Variants in SCMH1 observed in about 807,000 individuals in gnomAD.
SCMH1 encodes polycomb protein SCMH1.
A neutral mutation model predicts 70.8 loss-of-function variants in SCMH1; 37 were observed. The ratio of observed to expected loss-of-function variants is 0.52; its 90% CI spans 0.40 to 0.69. The LOEUF (loss-of-function observed/expected upper bound fraction) is 0.69, where lower values mean the gene tolerates loss of function less well. Among genes scored for constraint, SCMH1 ranks in the 30% least tolerant of loss-of-function variants. The pLI, the probability that SCMH1 is intolerant of heterozygous loss-of-function variation, is 0.00. For missense variants in SCMH1, 607 were observed against 827.3 expected, an observed-to-expected ratio of 0.73 and a Z score of 3.27; for synonymous variants, 292 against 307.4, an observed-to-expected ratio of 0.95 and a Z score of 0.52.
At chr1:41,228,847 G>A (rs548346957) in intron 1 of SCMH1, among the ~76,000 whole-genome samples, 2 of 152,226 alleles carry the variant, frequency 1.3e-5, no homozygotes, top group African/African-American at 4.8e-5. Context: ...ATGATTAAAG[G>A]GGACCCAGAG....
At chr1:41,161,253 T>C in intron 3 of SCMH1, 111 bp downstream of exon 3, 1 of 1,488,894 alleles carries the variant, frequency 6.7e-7, no homozygotes, top group South Asian at 1.3e-5. Flanking sequence ...TATTTGCTTC[T>C]GATATAACAA....
intron 12 of SCMH1, among the ~76,000 whole-genome samples, chr1:41,038,456 C>T (rs567177401): frequency 1.3e-5 from 2 of 152,274 alleles, no homozygotes; most frequent in South Asian, 4.2e-4. Flanking sequence ...TTTTCAAAGA[C>T]ATCAAGTGTT....
intron 8 of SCMH1, among the ~76,000 whole-genome samples, chr1:41,088,416 A>G (rs12022978): frequency 0.11 from 16,516 of 152,238 alleles, 1,281 homozygotes; most frequent in East Asian, 0.28. Context: ...CATAAAGATA[A>G]GGACAAAAAC....
intron 1 of SCMH1, among the ~76,000 whole-genome samples, chr1:41,214,722 T>C (rs1384429699): frequency 6.6e-6 from 1 of 152,110 alleles, no homozygotes; most frequent in Non-Finnish European, 1.5e-5. Context: ...TCTTTTCCCA[T>C]TATACCCTGA....
chr1:41,089,785 C>CTTTTTTTTT (rs1558778255), intron 8 of SCMH1, among the ~76,000 whole-genome samples: 2 of 37,320 alleles, frequency 5.4e-5, no homozygotes, highest in African/African-American at 1.8e-4. Context: ...ACCATGTTGT[C>CTTTTTTTTT]TCTTTTTTTT....
At chr1:41,182,795 C>T (rs1291685797) in intron 2 of SCMH1, among the ~76,000 whole-genome samples, 1 of 152,014 alleles carries the variant, frequency 6.6e-6, no homozygotes, top group Admixed American at 6.6e-5. Context: ...ACTACTGAAA[C>T]ATGGAAAGCA....
intron 1 of SCMH1, among the ~76,000 whole-genome samples, chr1:41,203,673 G>A (rs1465685530): frequency 6.6e-6 from 1 of 152,186 alleles, no homozygotes; most frequent in Non-Finnish European, 1.5e-5. Flanking sequence ...GCCCACCCAG[G>A]GCAGAAAACC....
At chr1:41,028,372 G>A (rs1644025771) in intron 14 of SCMH1, 53 bp from the exon 16 acceptor site, 1 of 1,605,286 alleles carries the variant, frequency 6.2e-7, no homozygotes, top group Admixed American at 1.7e-5. Flanking sequence ...TCAGAGTCCT[G>A]GTTGGTCTGA....
chr1:41,059,637 G>C (rs1014750389), intron 10 of SCMH1, among the ~76,000 whole-genome samples: 8 of 152,222 alleles, frequency 5.3e-5, no homozygotes, highest in Admixed American at 2.0e-4. Flanking sequence ...TGGGTACCAA[G>C]AGGGCACTGA....
chr1:41,173,059 T>C (rs1646891548), intron 2 of SCMH1, among the ~76,000 whole-genome samples: 1 of 152,066 alleles, frequency 6.6e-6, no homozygotes, highest in Admixed American at 6.6e-5. Context: ...TTCAAAAGCA[T>C]AGGCAACAAA....
intron 11 of SCMH1, among the ~76,000 whole-genome samples, chr1:41,047,392 CTTT>C (rs397861246): frequency 8.0e-5 from 9 of 112,426 alleles, no homozygotes; most frequent in Non-Finnish European, 1.1e-4. Flanking sequence ...ACTTCCCAGT[CTTT>C]TTTTTTTTTT....
intron 1 of SCMH1, 30 bp from the exon 2 acceptor site, chr1:41,186,280 G>A (rs12408956): frequency 0.12 from 73,346 of 593,366 alleles, 5,807 homozygotes; most frequent in East Asian, 0.27. Context: ...GGAGGAAGGA[G>A]AAGAACATTT....
At position 41,122,454 on chromosome 1, in the gene SCMH1, G is replaced by T. The variant is rs190243483; in HGVS notation, c.413-5444C>A. 1.2e-4 allele frequency among the ~76,000 whole-genome samples: 19 copies of T among 152,176 alleles called. No homozygotes were observed. The South Asian group carries it at 2.3e-3, about 18-fold the overall frequency. On this transcript the variant is annotated intron_variant, in intron 6 of 14. Transcript: ENST00000337495. Reference sequence around the variant, plus strand: ...TTATTCCTAGCCCCTATCACCATCTGAATTTTCTTTTTAAAAAGTTTAATG... The same window carrying T: ...TTATTCCTAGCCCCTATCACCATCTTAATTTTCTTTTTAAAAAGTTTAATG...
intron 2 of SCMH1, among the ~76,000 whole-genome samples, chr1:41,179,234 C>A (rs974889483): frequency 6.6e-6 from 1 of 152,126 alleles, no homozygotes; most frequent in African/African-American, 2.4e-5. Context: ...ACATTCAAAG[C>A]AGTGTGTAGA....
chr1:41,143,224 C>A, intron 5 of SCMH1, 112 bp from the exon 6 acceptor site: 2 of 700,506 alleles, frequency 2.9e-6, no homozygotes, highest in Admixed American at 2.8e-5. Flanking sequence ...TGAATTATTC[C>A]CTAATAATTA....
chr1:41,063,558 TAACTAAACA>T (rs1653533997), intron 10 of SCMH1, among the ~76,000 whole-genome samples: 2 of 68,020 alleles, frequency 2.9e-5, no homozygotes, highest in South Asian at 1.0e-3. Context: ...CTAGCCAGGC[TAACTAAACA>T]AACAAACAAA....
chr1:41,038,622 G>A (rs1009831851), intron 12 of SCMH1, among the ~76,000 whole-genome samples: 8 of 152,184 alleles, frequency 5.3e-5, no homozygotes, highest in Non-Finnish European at 1.2e-4. Flanking sequence ...TGAGCTCAAA[G>A]TAAAATCTAG....
At chr1:41,124,923 T>C (rs1416465948) in intron 6 of SCMH1, among the ~76,000 whole-genome samples, 2 of 152,114 alleles carry the variant, frequency 1.3e-5, no homozygotes, top group African/African-American at 4.8e-5. Flanking sequence ...TGATAAAAAA[T>C]ATTATACAGG....
intron 1 of SCMH1, among the ~76,000 whole-genome samples, chr1:41,214,753 C>A (rs1455011050): frequency 2.0e-5 from 3 of 152,082 alleles, no homozygotes; most frequent in Non-Finnish European, 4.4e-5. Flanking sequence ...AAGACACTAA[C>A]CCTGATTCTC....
Sources: gnomAD v4.1 joint callset for allele counts (sites outside exome capture counted in the v4.1 genomes callset) on GRCh38, gnomAD v4.1.1 for gene constraint, MANE v1.5 for transcripts, NCBI Gene and HGNC (gene_info 2026-07-23, HGNC 2026-07-21) for gene names.